RLN2: variants seen among roughly 807,000 people sequenced by gnomAD.
The protein encoded by RLN2 is relaxin 2.
RLN2 carries 10 observed loss-of-function variants against 7.3 expected under a neutral mutation model. The ratio of observed to expected loss-of-function variants is 1.36; its 90% CI spans 0.84 to 2.31. RLN2 has a LOEUF of 2.31. Among genes scored for constraint, RLN2 ranks in the 30% most tolerant of loss-of-function variants. The pLI, the probability that RLN2 is intolerant of heterozygous loss-of-function variation, is 0.00. For synonymous variants in RLN2, 103 were observed against 82.3 expected (o/e 1.25, Z -1.36); for missense variants, 298 against 217.6 (o/e 1.37, Z -2.32).
the RLN2 span, among the ~76,000 whole-genome samples, chr9:5,329,485 C>CCTTG: frequency 6.6e-6 from 1 of 151,386 alleles, no homozygotes; most frequent in Non-Finnish European, 1.5e-5. Context: ...AGTCAAGACC[C>CCTTG]CTTGGTGTGC....
the RLN2 span, among the ~76,000 whole-genome samples, chr9:5,318,844 C>T: frequency 2.6e-5 from 4 of 151,892 alleles, no homozygotes; most frequent in Non-Finnish European, 5.9e-5. Context: ...TAAAGTTGAG[C>T]TACTATTTTT....
At chr9:5,311,382 G>A in the RLN2 span, 3 of 470,246 alleles carry the variant, frequency 6.4e-6, no homozygotes, top group South Asian at 6.6e-5. Flanking sequence ...AAACAGCCGG[G>A]GCTCTCATTG....
chr9:5,315,810 GA>G, the RLN2 span, among the ~76,000 whole-genome samples: 1 of 151,956 alleles, frequency 6.6e-6, no homozygotes, highest in Admixed American at 6.6e-5. Flanking sequence ...AGTGCTGAAA[GA>G]AAAAAATTTT....
At chr9:5,319,756 C>T in the RLN2 span, among the ~76,000 whole-genome samples, 329 of 152,054 alleles carry the variant, frequency 2.2e-3, 4 homozygotes, top group African/African-American at 7.4e-3. Context: ...AAATCCTGGA[C>T]AGTAGTTCTG....
the RLN2 span, among the ~76,000 whole-genome samples, chr9:5,311,118 C>G: frequency 2.0e-5 from 3 of 152,000 alleles, no homozygotes; most frequent in East Asian, 3.9e-4. Flanking sequence ...TCACCTGACT[C>G]AAATAATTGC....
upstream of RLN2, among the ~76,000 whole-genome samples, chr9:5,305,362 CACA>C (rs1816224131): frequency 2.5e-5 from 1 of 40,156 alleles, no homozygotes; most frequent in Non-Finnish European, 5.2e-5. Flanking sequence ...GAACATACCA[CACA>C]CACACACACA....
At chr9:5,313,617 C>T in the RLN2 span, among the ~76,000 whole-genome samples, 1 of 151,854 alleles carries the variant, frequency 6.6e-6, no homozygotes, top group Non-Finnish European at 1.5e-5. Flanking sequence ...TTGATACATG[C>T]ATACATTGTG....
the RLN2 span, among the ~76,000 whole-genome samples, chr9:5,327,580 G>C: frequency 2.0e-5 from 3 of 152,038 alleles, no homozygotes; most frequent in Non-Finnish European, 4.4e-5. Context: ...TTCGAGCTTT[G>C]GGAATGGACA....
At chr9:5,310,654 C>T in the RLN2 span, among the ~76,000 whole-genome samples, 2 of 151,906 alleles carry the variant, frequency 1.3e-5, no homozygotes, top group African/African-American at 2.4e-5. Context: ...TTAGAGGTTG[C>T]CCAAGAATTT....
chr9:5,311,546 C>G, the RLN2 span: 14 of 747,684 alleles, frequency 1.9e-5, 1 homozygote, highest in South Asian at 1.9e-4. Flanking sequence ...ACCTGCTCCT[C>G]CAAAGCCAGA....
chr9:5,309,651 A>G (rs1816313269), upstream of RLN2, among the ~76,000 whole-genome samples: 1 of 151,740 alleles, frequency 6.6e-6, no homozygotes, highest in South Asian at 2.1e-4. Flanking sequence ...TCTCTTACAC[A>G]CTCAGCACCG....
At chr9:5,316,698 G>A in the RLN2 span, among the ~76,000 whole-genome samples, 1 of 151,968 alleles carries the variant, frequency 6.6e-6, no homozygotes, top group Non-Finnish European at 1.5e-5. Context: ...TATCATGGGT[G>A]GGCATTTGGG....
At position 5,304,096 on chromosome 9, in the gene RLN2, G is replaced by A. The variant is rs1450994473; in HGVS notation, c.211+274C>T. The A allele has an allele frequency of 1.4e-5, 4 of 288,534 alleles. No individual in the cohort carries two copies. In the East Asian group the frequency reaches 2.7e-4, roughly 19 times the overall value. 17.9% of individuals were successfully genotyped at this position (288,534 alleles called of 1,614,324 possible). On this transcript the variant is annotated intron_variant, in intron 1 of 1. Transcript: ENST00000381627. ...CACCCCGTCGCTCTGACTGCCTTAC[G>A]GAAAGGGCACCAAGGAACTCTCGGG...
chr9:5,319,551 T>G, the RLN2 span, among the ~76,000 whole-genome samples: 4 of 151,940 alleles, frequency 2.6e-5, no homozygotes, highest in African/African-American at 9.7e-5. Flanking sequence ...ACAAATACAT[T>G]AAGCTGACAA....
At chr9:5,316,507 G>A in the RLN2 span, among the ~76,000 whole-genome samples, 1 of 151,876 alleles carries the variant, frequency 6.6e-6, no homozygotes, top group African/African-American at 2.4e-5. Context: ...TGTTCTCATT[G>A]TTCAATTCCC....
At chr9:5,316,746 G>A in the RLN2 span, among the ~76,000 whole-genome samples, 4 of 152,028 alleles carry the variant, frequency 2.6e-5, no homozygotes, top group African/African-American at 9.7e-5. Context: ...TAGTGCTGCG[G>A]TAAACATACA....
At position 5,299,967 on chromosome 9, in the gene RLN2, T is replaced by C. The variant is rs1278216700; in HGVS notation, c.*131A>G. The stretch of plus-strand genomic sequence containing the variant: ...CAAAGATGTTTAGATATTCTAAGAA[T>C]TGATGGGACCTAATATCTAACAAAG... On this transcript the variant is annotated 3_prime_UTR_variant, in exon 2 of 2. Transcript: ENST00000381627. 10 of 524,488 alleles carry C rather than the reference T, an allele frequency of 1.9e-5. No homozygotes were observed. The highest frequency in any genetic ancestry group is 1.5e-4 in the Admixed American group (4 of 27,098). 32.5% of individuals were successfully genotyped at this position (524,488 alleles called of 1,614,324 possible).
At chr9:5,306,087 G>T (rs114044086), upstream of RLN2, among the ~76,000 whole-genome samples, 83 of 148,616 alleles carry the variant, frequency 5.6e-4, no homozygotes, top group African/African-American at 1.9e-3. Context: ...AATTTCCAGG[G>T]ATTTCTTTGT....
At chr9:5,337,624 T>C in the RLN2 span, among the ~76,000 whole-genome samples, 1 of 151,988 alleles carries the variant, frequency 6.6e-6, no homozygotes, top group East Asian at 1.9e-4. Flanking sequence ...ACAGTATAAG[T>C]CTGAAAACTC....
Sources: gnomAD v4.1 joint callset for allele counts (sites outside exome capture counted in the v4.1 genomes callset) on GRCh38, gnomAD v4.1.1 for gene constraint, MANE v1.5 for transcripts, NCBI Gene and HGNC (gene_info 2026-07-23, HGNC 2026-07-21) for gene names.